Variants in MECOM observed in about 807,000 individuals in gnomAD.
The protein encoded by MECOM is histone-lysine N-methyltransferase MECOM.
A neutral mutation model predicts 116.3 loss-of-function variants in MECOM; 13 were observed. The observed-to-expected ratio is 0.11, with a 90% CI of 0.07 to 0.18. The LOEUF (loss-of-function observed/expected upper bound fraction) is 0.18, where lower values mean the gene tolerates loss of function less well. MECOM is among the 10% of genes least tolerant of loss of function. The pLI is 1.00. For synonymous variants in MECOM, 528 were observed against 535.2 expected (o/e 0.99, Z 0.19); for missense variants, 1,299 against 1,509.0 (o/e 0.86, Z 2.31).
chr3:169,110,469 C>T (rs1280075429), intron 9 of MECOM, among the ~76,000 whole-genome samples: 1 of 152,120 alleles, frequency 6.6e-6, no homozygotes, highest in Non-Finnish European at 1.5e-5. Context: ...TCACCTGTAT[C>T]CCAGCTTGTA....
intron 5 of MECOM, among the ~76,000 whole-genome samples, chr3:169,123,941 T>A (rs915514281): frequency 9.9e-5 from 15 of 151,954 alleles, no homozygotes; most frequent in African/African-American, 3.4e-4. Context: ...AACTGGTAAA[T>A]AAAGGGAAAA....
At chr3:169,239,344 G>A (rs1754491785) in intron 2 of MECOM, among the ~76,000 whole-genome samples, 1 of 151,786 alleles carries the variant, frequency 6.6e-6, no homozygotes, top group African/African-American at 2.4e-5. Flanking sequence ...GAAATATATG[G>A]AGAAATAAAA....
intron 6 of MECOM, among the ~76,000 whole-genome samples, chr3:169,121,585 A>G (rs1731046588): frequency 3.3e-5 from 5 of 152,202 alleles, no homozygotes; most frequent in Admixed American, 2.6e-4. Flanking sequence ...CACATTGTGT[A>G]CAAAAATTTG....
chr3:169,366,613 T>A (rs190203394), intron 2 of MECOM, among the ~76,000 whole-genome samples: 7 of 152,160 alleles, frequency 4.6e-5, no homozygotes, highest in Admixed American at 3.9e-4. Flanking sequence ...ATACCTTTTT[T>A]TGAGGGCAGC....
chr3:169,333,335 C>T (rs902531280), intron 2 of MECOM, among the ~76,000 whole-genome samples: 3 of 151,732 alleles, frequency 2.0e-5, no homozygotes, highest in African/African-American at 7.3e-5. Flanking sequence ...GCCAAGCCAG[C>T]GAGAAGGAGA....
At chr3:169,146,473 C>A in intron 2 of MECOM, 1 of 1,383,844 alleles carries the variant, frequency 7.2e-7, no homozygotes, top group Non-Finnish European at 9.6e-7. Flanking sequence ...GCAGAGAAAC[C>A]CACCGAAGGC....
rs1230679824 is a variant in MECOM, at chr3:169,133,891, TCTCTC to T, written c.511-2365_511-2361del. 2.3e-6 allele frequency: 3 copies of T among 1,282,320 alleles called. No homozygotes were observed. The African/African-American group carries it at 4.6e-5, about 20-fold the overall frequency. The allele number at this position is 1,282,320 out of a possible 1,614,324, so 79.4% of individuals were successfully genotyped here. On this transcript the variant is annotated intron_variant, in intron 3 of 16. Coordinates refer to ENST00000651503, the MANE Select transcript of MECOM (RefSeq NM_004991.4). ...ATTTCCCCTTAGAAAACAATGGACT[TCTCTC>T]AACAGTTTGAATCACCTCTTTTTTT...
chr3:169,364,222 A>G (rs1277870868), intron 2 of MECOM, among the ~76,000 whole-genome samples: 1 of 151,904 alleles, frequency 6.6e-6, no homozygotes, highest in Admixed American at 6.6e-5. Context: ...AAATAAAAAT[A>G]CCCTTTAAAA....
At chr3:169,598,454 G>C (rs1767414620) in intron 1 of MECOM, among the ~76,000 whole-genome samples, 1 of 152,158 alleles carries the variant, frequency 6.6e-6, no homozygotes, top group Non-Finnish European at 1.5e-5. Flanking sequence ...AAGAAAATAG[G>C]GTGGGAGGGT....
intron 2 of MECOM, among the ~76,000 whole-genome samples, chr3:169,309,967 C>A (rs1444591888): frequency 6.6e-6 from 1 of 152,198 alleles, no homozygotes; most frequent in Non-Finnish European, 1.5e-5. Context: ...CAGCACAGCA[C>A]ACATCAGGAC....
intron 2 of MECOM, among the ~76,000 whole-genome samples, chr3:169,261,755 A>G (rs902402733): frequency 3.3e-5 from 5 of 151,246 alleles, no homozygotes; most frequent in East Asian, 3.9e-4. Context: ...AAAGAAGAAG[A>G]AGAAGAGGAA....
intron 2 of MECOM, among the ~76,000 whole-genome samples, chr3:169,160,319 G>A (rs1285592018): frequency 6.6e-6 from 1 of 151,628 alleles, no homozygotes; most frequent in Non-Finnish European, 1.5e-5. Context: ...AAAAAATGAA[G>A]AAAAATAAGA....
At chr3:169,556,742 C>A (rs1345782124) in intron 1 of MECOM, among the ~76,000 whole-genome samples, 1 of 152,070 alleles carries the variant, frequency 6.6e-6, no homozygotes, top group African/African-American at 2.4e-5. Flanking sequence ...TATAGAGACA[C>A]CCAAGTGGCA....
chr3:169,201,098 T>G (rs919721535), intron 2 of MECOM, among the ~76,000 whole-genome samples: 12 of 152,256 alleles, frequency 7.9e-5, no homozygotes, highest in African/African-American at 2.9e-4. Flanking sequence ...ATGTACGTCT[T>G]TCAAGTGTGT....
intron 2 of MECOM, among the ~76,000 whole-genome samples, chr3:169,281,565 C>T (rs1211888046): frequency 1.3e-5 from 2 of 152,144 alleles, no homozygotes; most frequent in East Asian, 1.9e-4. Flanking sequence ...AATCCCAGCA[C>T]TTTGGGAGGC....
At chr3:169,399,544 T>C (rs912819707) in intron 1 of MECOM, among the ~76,000 whole-genome samples, 2 of 152,204 alleles carry the variant, frequency 1.3e-5, no homozygotes, top group African/African-American at 4.8e-5. Flanking sequence ...TTCTCAAGCT[T>C]GCTGCTTGCA....
At chr3:169,179,897 C>T (rs1055754998) in intron 2 of MECOM, among the ~76,000 whole-genome samples, 1 of 152,100 alleles carries the variant, frequency 6.6e-6, no homozygotes, top group African/African-American at 2.4e-5. Flanking sequence ...GCTGAGTCCC[C>T]TCCCCCAGGA....
At position 169,584,347 on chromosome 3, in the gene MECOM, C is replaced by T. The variant is rs558270504; in HGVS notation, c.37+78989G>A. On this transcript the variant is annotated intron_variant, in intron 1 of 16. Transcript: ENST00000651503. ...TTGGGAGGCCGGGGCGGGCGGATCA[C>T]GAGGTCTGGAGATAGAGACCATCTT... Among the ~76,000 whole-genome samples, 51 of 151,614 alleles carry T rather than the reference C, an allele frequency of 3.4e-4. No homozygotes were observed. In the East Asian group the frequency reaches 6.6e-3, roughly 20 times the overall value.
intron 1 of MECOM, among the ~76,000 whole-genome samples, chr3:169,594,718 G>A (rs1766924628): frequency 6.6e-6 from 1 of 151,496 alleles, no homozygotes; most frequent in South Asian, 2.1e-4. Context: ...TCACACAGCT[G>A]GCTTTCATAA....
Sources: allele counts gnomAD v4.1 joint callset (sites outside exome capture counted in the v4.1 genomes callset), GRCh38; gene constraint gnomAD v4.1.1; transcripts MANE v1.5; gene names NCBI Gene and HGNC (gene_info 2026-07-23, HGNC 2026-07-21).